NRG3: variants seen among roughly 807,000 people sequenced by gnomAD.
The protein encoded by NRG3 is neuregulin 3, also known as pro-neuregulin-3, membrane-bound isoform.
In NRG3, 31 loss-of-function variants were observed where a neutral mutation model predicts 66.9. That is an observed-to-expected ratio of 0.46 (90% CI 0.35 to 0.63). The LOEUF is 0.63. NRG3 is among the 20% of genes least tolerant of loss of function. The probability of loss-of-function intolerance (pLI) is 0.00; values close to 1 mark genes in which losing one functional copy is unlikely to be tolerated. For missense variants in NRG3, 910 were observed against 878.9 expected, an observed-to-expected ratio of 1.04 and a Z score of -0.45; for synonymous variants, 393 against 359.4, an observed-to-expected ratio of 1.09 and a Z score of -1.06.
intron 4 of NRG3, among the ~76,000 whole-genome samples, chr10:82,919,642 T>A (rs912434247): frequency 6.6e-6 from 1 of 152,166 alleles, no homozygotes; most frequent in Non-Finnish European, 1.5e-5. Context: ...GAAATCCTTA[T>A]TAAGTACACA....
intron 2 of NRG3, among the ~76,000 whole-genome samples, chr10:82,413,396 A>G (rs1355378519): frequency 1.3e-5 from 2 of 152,154 alleles, no homozygotes; most frequent in Non-Finnish European, 2.9e-5. Flanking sequence ...AGTGGGCTTA[A>G]AATTAGTAAA....
chr10:82,467,633 G>A (rs1237298906), intron 2 of NRG3, among the ~76,000 whole-genome samples: 10 of 152,038 alleles, frequency 6.6e-5, no homozygotes. Context: ...TGGACAGGAA[G>A]GGAACAAGAG....
chr10:82,407,090 A>T (rs201841282), intron 2 of NRG3, among the ~76,000 whole-genome samples: 1 of 90,726 alleles, frequency 1.1e-5, no homozygotes, highest in African/African-American at 3.0e-5. Context: ...TTTTTATTTT[A>T]TTTTTTTTCC....
intron 1 of NRG3, among the ~76,000 whole-genome samples, chr10:82,168,419 C>A (rs2072278918): frequency 6.6e-6 from 1 of 152,256 alleles, no homozygotes; most frequent in South Asian, 2.1e-4. Context: ...AACATTCCTC[C>A]ACTCTTCTAC....
At chr10:82,712,925 C>G (rs150524847) in intron 2 of NRG3, among the ~76,000 whole-genome samples, 1,640 of 151,840 alleles carry the variant, frequency 0.011, 30 homozygotes, top group African/African-American at 0.038. Flanking sequence ...TTTATGACCA[C>G]CCCAGCCAGC....
intron 1 of NRG3, among the ~76,000 whole-genome samples, chr10:82,090,884 G>C (rs1486757019): frequency 1.3e-5 from 2 of 152,124 alleles, no homozygotes; most frequent in African/African-American, 4.8e-5. Context: ...TATGTGTTGT[G>C]TTAGAAAAGG....
At chr10:81,930,510 GAA>G (rs76590582) in intron 1 of NRG3, among the ~76,000 whole-genome samples, 17 of 133,404 alleles carry the variant, frequency 1.3e-4, no homozygotes, top group African/African-American at 3.8e-4. Context: ...CTATTACCTG[GAA>G]AAAAAAAAAA....
chr10:82,919,992 A>G (rs538285414), intron 4 of NRG3, among the ~76,000 whole-genome samples: 1 of 152,288 alleles, frequency 6.6e-6, no homozygotes, highest in African/African-American at 2.4e-5. Flanking sequence ...ATGTTTGAAA[A>G]TGAAAATAGA....
chr10:82,127,132 T>C (rs1204513545), intron 1 of NRG3, among the ~76,000 whole-genome samples: 2 of 152,116 alleles, frequency 1.3e-5, no homozygotes, highest in Non-Finnish European at 2.9e-5. Context: ...TTCAGCTCCA[T>C]GCAGAGGGTG....
chr10:82,858,611 G>A (rs1380745225), intron 3 of NRG3, among the ~76,000 whole-genome samples: 1 of 152,194 alleles, frequency 6.6e-6, no homozygotes, highest in African/African-American at 2.4e-5. Flanking sequence ...TCTACCTGGA[G>A]TGTCACCAGT....
chr10:82,198,676 A>C (rs1446495718), intron 1 of NRG3, among the ~76,000 whole-genome samples: 2 of 152,104 alleles, frequency 1.3e-5, no homozygotes, highest in African/African-American at 4.8e-5. Context: ...CAGTTCGTGC[A>C]AGGCTATGAT....
intron 2 of NRG3, among the ~76,000 whole-genome samples, chr10:82,540,769 T>C (rs1421403987): frequency 6.6e-6 from 1 of 152,074 alleles, no homozygotes; most frequent in Non-Finnish European, 1.5e-5. Flanking sequence ...TAGAAAACAT[T>C]AGAATAAGAG....
intron 1 of NRG3, among the ~76,000 whole-genome samples, chr10:82,017,062 C>T (rs1033496043): frequency 2.0e-5 from 3 of 152,068 alleles, no homozygotes; most frequent in Non-Finnish European, 2.9e-5. Flanking sequence ...TTAGGTATAT[C>T]TCCTAATGCT....
chr10:82,192,211 T>C (rs1009327977), intron 1 of NRG3, among the ~76,000 whole-genome samples: 2 of 152,172 alleles, frequency 1.3e-5, no homozygotes, highest in Non-Finnish European at 2.9e-5. Context: ...CAGAAAACGC[T>C]AACAATTGCA....
chr10:82,801,365 TC>T (rs530015938), intron 3 of NRG3, among the ~76,000 whole-genome samples: 8 of 152,204 alleles, frequency 5.3e-5, no homozygotes, highest in Non-Finnish European at 1.0e-4. Context: ...TCCATCAGCT[TC>T]CTTATGTGTT....
chr10:82,746,927 A>G (rs1024122507), intron 3 of NRG3, among the ~76,000 whole-genome samples: 1 of 152,066 alleles, frequency 6.6e-6, no homozygotes, highest in Non-Finnish European at 1.5e-5. Flanking sequence ...CAAAAAAATA[A>G]AATAAAATAG....
intron 1 of NRG3, among the ~76,000 whole-genome samples, chr10:82,341,426 T>C (rs1200340200): frequency 6.6e-6 from 1 of 152,128 alleles, no homozygotes; most frequent in Non-Finnish European, 1.5e-5. Flanking sequence ...GGTCCCTCCA[T>C]AGTTCAGTTT....
chr10:82,326,936 T>G (rs1263657710), intron 1 of NRG3, among the ~76,000 whole-genome samples: 1 of 152,186 alleles, frequency 6.6e-6, no homozygotes, highest in African/African-American at 2.4e-5. Context: ...AAAAATAAGG[T>G]GATCCAGAAA....
intron 1 of NRG3, among the ~76,000 whole-genome samples, chr10:81,892,544 G>C (rs1417677488): frequency 6.6e-6 from 1 of 152,032 alleles, no homozygotes; most frequent in East Asian, 1.9e-4. Flanking sequence ...CTCAACGAAA[G>C]GCAATATTTC....
Sources: gnomAD v4.1 joint callset for allele counts (sites outside exome capture counted in the v4.1 genomes callset) on GRCh38, gnomAD v4.1.1 for gene constraint, MANE v1.5 for transcripts, NCBI Gene and HGNC (gene_info 2026-07-23, HGNC 2026-07-21) for gene names.